AAK1: variants seen among roughly 807,000 people sequenced by gnomAD.
The protein encoded by AAK1 is AP2-associated protein kinase 1.
A neutral mutation model predicts 116.0 loss-of-function variants in AAK1; 37 were observed. The observed-to-expected ratio is 0.32, with a 90% CI of 0.25 to 0.42. AAK1 has a LOEUF of 0.42. AAK1 is among the 10% of genes least tolerant of loss of function. The pLI, the probability that AAK1 is intolerant of heterozygous loss-of-function variation, is 1.00. For synonymous variants in AAK1, 458 were observed against 439.9 expected (o/e 1.04, Z -0.51); for missense variants, 919 against 1,170.6 (o/e 0.79, Z 3.14).
At chr2:69,480,636 T>C (rs1675050290) in intron 19 of AAK1, among the ~76,000 whole-genome samples, 2 of 151,952 alleles carry the variant, frequency 1.3e-5, no homozygotes, top group African/African-American at 4.8e-5. Context: ...AGCCCAGAGA[T>C]CACTCCACAG....
chr2:69,641,156 T>G (rs1675705275), intron 2 of AAK1, among the ~76,000 whole-genome samples: 2 of 152,220 alleles, frequency 1.3e-5, no homozygotes, highest in African/African-American at 4.8e-5. Flanking sequence ...TCTCTCACAC[T>G]TGGAGAACAT....
chr2:69,580,865 T>C (rs1372810391), intron 2 of AAK1, among the ~76,000 whole-genome samples: 1 of 152,192 alleles, frequency 6.6e-6, no homozygotes, highest in African/African-American at 2.4e-5. Flanking sequence ...GTGTGCTTTT[T>C]CTATATTCAG....
At chr2:69,488,973 A>T (rs192635209) in intron 17 of AAK1, among the ~76,000 whole-genome samples, 4 of 152,008 alleles carry the variant, frequency 2.6e-5, no homozygotes, top group Non-Finnish European at 2.9e-5. Context: ...AAGTAACTGG[A>T]ACTACAGATG....
chr2:69,469,806 G>C lies in AAK1; in HGVS notation c.*6063C>G, dbSNP rs1225148323. On this transcript the variant is annotated 3_prime_UTR_variant, in exon 22 of 22. Coordinates refer to ENST00000409085, the MANE Select transcript of AAK1 (RefSeq NM_014911.5). ...AAAACATACTTCTTTTTCTTGCTCT[G>C]ATGTAGGACTGTGTGCCAGGTTAGG... 3.0e-6 allele frequency: 3 copies of C among 985,284 alleles called. No individual in the cohort carries two copies. The African/African-American group carries it at 5.2e-5, about 17-fold the overall frequency. The allele number at this position is 985,284 out of a possible 1,614,324, so 61.0% of individuals were successfully genotyped here. A position where few individuals can be genotyped will look rare whatever the true frequency, so the allele number is the denominator to read the frequency against.
intron 15 of AAK1, among the ~76,000 whole-genome samples, chr2:69,506,644 G>A (rs956640697): frequency 2.0e-5 from 3 of 152,276 alleles, no homozygotes; most frequent in African/African-American, 7.2e-5. Flanking sequence ...GGTTACGGGC[G>A]TGAGCCACCA....
chr2:69,587,495 C>T (rs1326993217), intron 2 of AAK1, among the ~76,000 whole-genome samples: 3 of 145,380 alleles, frequency 2.1e-5, no homozygotes, highest in African/African-American at 5.1e-5. Context: ...GATGTCGTTT[C>T]GCTCTTGTTG....
At chr2:69,619,800 G>A (rs1486038308) in intron 2 of AAK1, among the ~76,000 whole-genome samples, 3 of 152,134 alleles carry the variant, frequency 2.0e-5, no homozygotes. Flanking sequence ...TGAGCAGGGA[G>A]GTGCGAATCT....
intron 17 of AAK1, among the ~76,000 whole-genome samples, chr2:69,484,877 A>AAT (rs1205424583): frequency 2.0e-5 from 3 of 151,890 alleles, no homozygotes; most frequent in African/African-American, 7.2e-5. Context: ...TCAAAAAAAA[A>AAT]AATAATAATA....
chr2:69,472,012 A>G lies in AAK1; in HGVS notation c.*3857T>C. 3.0e-6 allele frequency: 3 copies of G among 985,402 alleles called. No individual in the cohort carries two copies. The highest frequency in any genetic ancestry group is 9.4e-5 in the South Asian group (2 of 21,278). 61.0% of individuals were successfully genotyped at this position (985,402 alleles called of 1,614,324 possible). On this transcript the variant is annotated 3_prime_UTR_variant, in exon 22 of 22. Transcript: ENST00000409085. ...TCTAATTCAGGAAGAGCGAAGTCCA[A>G]TATCAAATAACACTGAACAAAGTGA...
chr2:69,599,230 A>C (rs1475342112), intron 2 of AAK1, among the ~76,000 whole-genome samples: 2 of 152,238 alleles, frequency 1.3e-5, no homozygotes, highest in African/African-American at 4.8e-5. Context: ...ACATGTCTAT[A>C]GACTAGAATT....
chr2:69,598,505 G>A (rs115200315), intron 2 of AAK1: 142 of 165,216 alleles, frequency 8.6e-4, no homozygotes, highest in Middle Eastern at 3.6e-3. Flanking sequence ...AGACACAAAC[G>A]TTTTCTTTTT....
At chr2:69,503,116 A>G (rs1676041068) in intron 16 of AAK1, among the ~76,000 whole-genome samples, 1 of 152,228 alleles carries the variant, frequency 6.6e-6, no homozygotes, top group African/African-American at 2.4e-5. Context: ...TGCAATGAAA[A>G]CATAACCTGA....
intron 2 of AAK1, among the ~76,000 whole-genome samples, chr2:69,639,394 C>T (rs1158703005): frequency 6.6e-6 from 1 of 152,148 alleles, no homozygotes; most frequent in Non-Finnish European, 1.5e-5. Context: ...CATGATTTAG[C>T]TTCTCATCAT....
intron 2 of AAK1, among the ~76,000 whole-genome samples, chr2:69,560,434 A>C (rs1671585247): frequency 6.6e-6 from 1 of 152,232 alleles, no homozygotes; most frequent in African/African-American, 2.4e-5. Flanking sequence ...GAAAAACCTA[A>C]TGGTTTGGAC....
chr2:69,547,525 A>G (rs1181336478), intron 3 of AAK1, among the ~76,000 whole-genome samples: 1 of 152,238 alleles, frequency 6.6e-6, no homozygotes, highest in Non-Finnish European at 1.5e-5. Context: ...CAGCATAATC[A>G]ATCATTAGGG....
intron 20 of AAK1, among the ~76,000 whole-genome samples, 165 bp from the exon 21 acceptor site, chr2:69,477,155 TAC>T (rs1674885761): frequency 1.3e-5 from 2 of 151,990 alleles, no homozygotes; most frequent in Non-Finnish European, 2.9e-5. Context: ...AACTGGAAAA[TAC>T]AGAGATATAG....
At chr2:69,534,764 T>C (rs1329934333) in intron 5 of AAK1, among the ~76,000 whole-genome samples, 1 of 152,216 alleles carries the variant, frequency 6.6e-6, no homozygotes, top group Non-Finnish European at 1.5e-5. Flanking sequence ...GACAGCAGAG[T>C]GAGCAGTTAT....
intron 2 of AAK1, among the ~76,000 whole-genome samples, chr2:69,642,216 AC>A (rs1206104902): frequency 3.3e-5 from 5 of 152,232 alleles, no homozygotes; most frequent in South Asian, 2.1e-4. Flanking sequence ...GATTAAAAAA[AC>A]AAAAAACAAA....
chr2:69,520,987 G>A lies in AAK1; in HGVS notation c.1057C>T (p.Leu353=). Reference sequence around the variant, plus strand: ...TCTGTGGTGGGAATGGGATCTGTCAGTCTAGAAAGGGAAAAGAGAAAGGTT... The same window carrying A: ...TCTGTGGTGGGAATGGGATCTGTCAATCTAGAAAGGGAAAAGAGAAAGGTT... The part of the protein sequence containing the change: ...AAKKTQPKAR[L]TDPIPTTETS... The change falls in exon 11 of 22, where the codon CTG becomes TTG. Residue 353 remains leucine, a splice_region_variant and synonymous_variant. Transcript: ENST00000409085. 6.2e-7 allele frequency: 1 copy of A among 1,613,850 alleles called. No homozygotes were observed. The highest frequency in any genetic ancestry group is 1.3e-5 in the African/African-American group (1 of 75,016).
Sources: allele counts gnomAD v4.1 joint callset (sites outside exome capture counted in the v4.1 genomes callset), GRCh38; gene constraint gnomAD v4.1.1; transcripts MANE v1.5; gene names NCBI Gene and HGNC (gene_info 2026-07-23, HGNC 2026-07-21).